The following TPRG1 variants were observed in gnomAD, a reference collection of about 807,000 sequenced individuals.
The protein encoded by TPRG1 is tumor protein p63-regulated gene 1 protein.
A neutral mutation model predicts 29.3 loss-of-function variants in TPRG1; 29 were observed. The observed-to-expected ratio is 0.99, with a 90% CI of 0.74 to 1.35. The LOEUF (loss-of-function observed/expected upper bound fraction) is 1.35. Among genes scored for constraint, TPRG1 ranks in the 40% most tolerant of loss-of-function variants. The pLI is 0.00. For missense variants in TPRG1, 327 were observed against 335.0 expected (o/e 0.98, Z 0.19); for synonymous variants, 130 against 116.8 (o/e 1.11, Z -0.73).
At chr3:189,103,930 T>C (rs1446200071) in intron 1 of TPRG1, among the ~76,000 whole-genome samples, 1 of 152,212 alleles carries the variant, frequency 6.6e-6, no homozygotes, top group Admixed American at 6.5e-5. Context: ...TGAGCCTTTA[T>C]CCTGACTTTG....
At chr3:189,200,709 T>C (rs60052884) in intron 1 of TPRG1, among the ~76,000 whole-genome samples, 8,813 of 152,300 alleles carry the variant, frequency 0.058, 635 homozygotes, top group African/African-American at 0.17. Context: ...ATTCTGTGGT[T>C]ACCGTAATTT....
intron 3 of TPRG1, among the ~76,000 whole-genome samples, chr3:189,013,984 G>A (rs1712787931): frequency 6.6e-6 from 1 of 152,064 alleles, no homozygotes; most frequent in South Asian, 2.1e-4. Flanking sequence ...TTCATTGGGG[G>A]CCCATGTCGT....
At chr3:189,089,297 C>G (rs1294237818) in intron 4 of TPRG1, among the ~76,000 whole-genome samples, 1 of 152,136 alleles carries the variant, frequency 6.6e-6, no homozygotes, top group African/African-American at 2.4e-5. Flanking sequence ...TCTCTTCTGA[C>G]TACTGGCTAT....
intron 4 of TPRG1, among the ~76,000 whole-genome samples, chr3:189,289,585 T>G (rs2109192782): frequency 6.6e-6 from 1 of 152,342 alleles, no homozygotes; most frequent in South Asian, 2.1e-4. Context: ...TTTCTTCACC[T>G]GTAAAATGGG....
chr3:189,159,030 C>T (rs748777079), intron 5 of TPRG1, among the ~76,000 whole-genome samples: 1 of 151,790 alleles, frequency 6.6e-6, no homozygotes, highest in African/African-American at 2.4e-5. Context: ...GTGACATTTG[C>T]TGTCTCCGGG....
chr3:189,293,296 C>T (rs1185525728), intron 4 of TPRG1, among the ~76,000 whole-genome samples: 1 of 152,160 alleles, frequency 6.6e-6, no homozygotes, highest in African/African-American at 2.4e-5. Flanking sequence ...TCCCCTCCCA[C>T]TTCCGCTGTC....
intron 1 of TPRG1, among the ~76,000 whole-genome samples, chr3:189,177,720 A>G (rs1029816539): frequency 5.3e-5 from 8 of 152,120 alleles, no homozygotes; most frequent in Admixed American, 5.2e-4. Flanking sequence ...GTCCCATGCC[A>G]GCAGAGAGGG....
chr3:189,173,861 G>T (rs536956723), intron 1 of TPRG1, among the ~76,000 whole-genome samples: 1 of 152,252 alleles, frequency 6.6e-6, no homozygotes, highest in African/African-American at 2.4e-5. Flanking sequence ...TTTGACCTTT[G>T]CTTAGCATCT....
At chr3:189,214,145 C>T (rs1412153492) in intron 2 of TPRG1, among the ~76,000 whole-genome samples, 1 of 152,148 alleles carries the variant, frequency 6.6e-6, no homozygotes. Flanking sequence ...TTTAAAAATT[C>T]TACATGATTA....
At chr3:189,272,851 A>C (rs1484816689) in intron 4 of TPRG1, among the ~76,000 whole-genome samples, 1 of 152,052 alleles carries the variant, frequency 6.6e-6, no homozygotes, top group Non-Finnish European at 1.5e-5. Context: ...ACAAGGATAG[A>C]CATTTATAAA....
chr3:189,285,917 A>T (rs577144751), intron 4 of TPRG1, among the ~76,000 whole-genome samples: 13 of 152,028 alleles, frequency 8.6e-5, no homozygotes, highest in Non-Finnish European at 1.6e-4. Flanking sequence ...CACTTATATC[A>T]GTTTGTAGTA....
At chr3:189,213,670 A>G (rs1456042015) in intron 2 of TPRG1, among the ~76,000 whole-genome samples, 1 of 152,210 alleles carries the variant, frequency 6.6e-6, no homozygotes, top group Non-Finnish European at 1.5e-5. Flanking sequence ...TAGGGAACCA[A>G]TGTTAATAGT....
At chr3:189,208,246 C>A (rs1356390151) in intron 2 of TPRG1, among the ~76,000 whole-genome samples, 2 of 152,074 alleles carry the variant, frequency 1.3e-5, no homozygotes, top group African/African-American at 4.8e-5. Context: ...TTTCTAGTAC[C>A]TTTCCCTCTT....
At chr3:189,262,245 AGT>A (rs1476930407) in intron 4 of TPRG1, among the ~76,000 whole-genome samples, 17 of 151,830 alleles carry the variant, frequency 1.1e-4, no homozygotes, top group Non-Finnish European at 2.2e-4. Context: ...TATAAGTATA[AGT>A]ATAAGTATAA....
chr3:189,275,856 A>G (rs1016215427), intron 4 of TPRG1, among the ~76,000 whole-genome samples: 1 of 152,192 alleles, frequency 6.6e-6, no homozygotes, highest in Non-Finnish European at 1.5e-5. Flanking sequence ...GTCCATCACT[A>G]TGTAAACTGT....
chr3:189,112,766 T>G (rs1395019684), intron 1 of TPRG1, among the ~76,000 whole-genome samples: 1 of 152,200 alleles, frequency 6.6e-6, no homozygotes, highest in African/African-American at 2.4e-5. Context: ...CCATGCTGTT[T>G]TGGTTACCGT....
chr3:189,126,926 T>C (rs1475656124), intron 1 of TPRG1: 1 of 152,228 alleles, frequency 6.6e-6, no homozygotes, highest in African/African-American at 2.4e-5. Context: ...AGTGTGATGA[T>C]GATCTAGGGT....
chr3:189,134,941 C>G (rs953511233), intron 3 of TPRG1, among the ~76,000 whole-genome samples: 1 of 152,292 alleles, frequency 6.6e-6, no homozygotes. Context: ...TATGCTGTGG[C>G]TTTATTGTTT....
chr3:189,164,748 A>G (rs1314501322), intron 5 of TPRG1, among the ~76,000 whole-genome samples: 2 of 152,098 alleles, frequency 1.3e-5, no homozygotes, highest in African/African-American at 4.8e-5. Context: ...TCAGGTTGTG[A>G]TATTTGGGAA....
Sources: gnomAD v4.1 joint callset for allele counts (sites outside exome capture counted in the v4.1 genomes callset) on GRCh38, gnomAD v4.1.1 for gene constraint, MANE v1.5 for transcripts, NCBI Gene and HGNC (gene_info 2026-07-23, HGNC 2026-07-21) for gene names.